VAMP4: variants seen among roughly 807,000 people sequenced by gnomAD.
The protein encoded by VAMP4 is vesicle-associated membrane protein 4.
VAMP4 carries 19 observed loss-of-function variants against 23.5 expected under a neutral mutation model. The ratio of observed to expected loss-of-function variants is 0.81; its 90% CI spans 0.56 to 1.19. The LOEUF is 1.19. VAMP4 is among the 50% of genes most tolerant of loss of function. VAMP4 has a pLI of 0.00. For synonymous variants in VAMP4, 31 were observed against 51.0 expected, an observed-to-expected ratio of 0.61 and a Z score of 1.67; for missense variants, 145 against 168.6, an observed-to-expected ratio of 0.86 and a Z score of 0.78.
At chr1:171,708,082 C>T (rs1490909183) in intron 6 of VAMP4, among the ~76,000 whole-genome samples, 1 of 151,738 alleles carries the variant, frequency 6.6e-6, no homozygotes, top group Admixed American at 6.6e-5. Context: ...GCAGATTGCT[C>T]GAGGCCAGAA....
chr1:171,734,908 G>C (rs914992969), intron 2 of VAMP4, among the ~76,000 whole-genome samples: 7 of 151,990 alleles, frequency 4.6e-5, no homozygotes, highest in African/African-American at 1.7e-4. Context: ...TTATTTATTT[G>C]TATTATTTTT....
chr1:171,732,774 AAAC>A (rs1271571981), intron 2 of VAMP4, among the ~76,000 whole-genome samples: 1 of 152,180 alleles, frequency 6.6e-6, no homozygotes, highest in Non-Finnish European at 1.5e-5. Flanking sequence ...AGTTATTCCT[AAAC>A]AACACACAAC....
In VAMP4 at chr1:171,703,425, G is replaced by GCATATA. The variant is rs1654528114; in HGVS notation, c.*1080_*1081insTATATG. ...TGTGTGTGTGTGTGTGTGTTTGTGT[G>GCATATA]TATATATATATATATATATATATAT... On this transcript the variant is annotated 3_prime_UTR_variant, in exon 8 of 8. Coordinates refer to ENST00000236192, the MANE Select transcript of VAMP4 (RefSeq NM_003762.5). 2 of 80,674 alleles carry GCATATA rather than the reference G, an allele frequency of 2.5e-5. No homozygotes were observed. The highest frequency in any genetic ancestry group is 4.8e-5 in the African/African-American group (1 of 20,922). The allele number at this position is 80,674 out of a possible 1,614,324, so 5.0% of individuals were successfully genotyped here.
intron 2 of VAMP4, 102 bp downstream of exon 2, chr1:171,738,247 C>T: frequency 7.5e-7 from 1 of 1,332,178 alleles, no homozygotes. Context: ...CGATTGCAGG[C>T]ATGAGCAACC....
chr1:171,700,602 T>G lies in VAMP4; in HGVS notation c.*3904A>C, dbSNP rs147301156. On this transcript the variant is annotated 3_prime_UTR_variant, in exon 8 of 8. Transcript: ENST00000236192. Reference sequence around the variant, plus strand: ...AGAGTTTTTCCACACCCAATTACAGTAGAAGAGCACCCCTATATCCAGGCA... The same window carrying G: ...AGAGTTTTTCCACACCCAATTACAGGAGAAGAGCACCCCTATATCCAGGCA... 6.4e-4 allele frequency: 97 copies of G among 152,356 alleles called. No homozygotes were observed. Among genetic ancestry groups the G allele is most frequent in the African/African-American group, 2.2e-3 (91 of 41,572 alleles). 9.4% of individuals were successfully genotyped at this position (152,356 alleles called of 1,614,324 possible).
intron 6 of VAMP4, among the ~76,000 whole-genome samples, chr1:171,706,710 C>T (rs898481405): frequency 2.0e-5 from 3 of 152,132 alleles, no homozygotes; most frequent in East Asian, 1.9e-4. Flanking sequence ...TAAACTGCTA[C>T]CTTCGATGTA....
At chr1:171,708,872 CAAAGAAAAA>C (rs1208720757) in intron 6 of VAMP4, among the ~76,000 whole-genome samples, 1 of 51,060 alleles carries the variant, frequency 2.0e-5, no homozygotes, top group African/African-American at 9.8e-5. Flanking sequence ...AACTCTATCT[CAAAGAAAAA>C]AAAAAAAAAA....
At chr1:171,736,029 G>A (rs1655730678) in intron 2 of VAMP4, among the ~76,000 whole-genome samples, 1 of 152,054 alleles carries the variant, frequency 6.6e-6, no homozygotes, top group South Asian at 2.1e-4. Context: ...TGGGATTACA[G>A]GTGTGCACCA....
chr1:171,734,597 T>A (rs746057762), intron 2 of VAMP4, among the ~76,000 whole-genome samples: 2 of 152,214 alleles, frequency 1.3e-5, no homozygotes, highest in African/African-American at 4.8e-5. Flanking sequence ...GTGAATTGTA[T>A]GGTACGTGAC....
At chr1:171,709,561 C>T (rs993524470) in intron 6 of VAMP4, 104 bp downstream of exon 6, 1 of 1,000,176 alleles carries the variant, frequency 1.0e-6, no homozygotes. Context: ...AGTTATAGGC[C>T]CTGTTCTCAC....
intron 4 of VAMP4, among the ~76,000 whole-genome samples, chr1:171,712,418 A>T (rs1212105466): frequency 6.6e-6 from 1 of 152,148 alleles, no homozygotes; most frequent in Non-Finnish European, 1.5e-5. Flanking sequence ...ATGAAGGCCC[A>T]CTTAGACATA....
chr1:171,723,478 TC>T (rs1655266303), intron 3 of VAMP4, among the ~76,000 whole-genome samples: 1 of 152,188 alleles, frequency 6.6e-6, no homozygotes, highest in Non-Finnish European at 1.5e-5. Flanking sequence ...TCAGGACTGT[TC>T]CTTGCTGAGA....
At chr1:171,735,882 A>C (rs765963860) in intron 2 of VAMP4, among the ~76,000 whole-genome samples, 2 of 152,114 alleles carry the variant, frequency 1.3e-5, no homozygotes, top group Non-Finnish European at 2.9e-5. Context: ...TGCTTTGTAA[A>C]GACATGCTTT....
chr1:171,721,873 ATGACT>A (rs1249275869), intron 3 of VAMP4, among the ~76,000 whole-genome samples: 1 of 152,204 alleles, frequency 6.6e-6, no homozygotes, highest in Admixed American at 6.5e-5. Context: ...CAAGCTACCA[ATGACT>A]TTCTTCACAG....
intron 4 of VAMP4, among the ~76,000 whole-genome samples, chr1:171,714,111 CAAT>C (rs767696889): frequency 9.9e-5 from 15 of 152,156 alleles, no homozygotes; most frequent in Admixed American, 3.9e-4. Flanking sequence ...AACCTTCACT[CAAT>C]GATGTAAAAT....
chr1:171,701,870 TAAC>T lies in VAMP4; in HGVS notation c.*2633_*2635del, dbSNP rs1654464233. 2.0e-5 allele frequency: 3 copies of T among 152,118 alleles called. No individual in the cohort carries two copies. The highest frequency in any genetic ancestry group is 6.5e-5 in the Admixed American group (1 of 15,270). 9.4% of individuals were successfully genotyped at this position (152,118 alleles called of 1,614,324 possible). On this transcript the variant is annotated 3_prime_UTR_variant, in exon 8 of 8. Transcript: ENST00000236192. The stretch of plus-strand genomic sequence containing the variant: ...AGGAGTAACCAATTAATCAGTATTA[TAAC>T]AACAAAATTGCTGCAAGGCAATAGG...
rs1419595584 is a variant in VAMP4 at position 171,709,753 on chromosome 1, CAT to C, written c.266-11_266-10del. On this transcript the variant is annotated splice_polypyrimidine_tract_variant and intron_variant, in intron 5 of 7. Transcript: ENST00000236192. The stretch of plus-strand genomic sequence containing the variant: ...ATTATCCGATAAGCTTTCTATATCA[CAT>C]AGAGGATGGAGAGAAGGATTAAACG... 3 of 1,603,890 alleles carry C rather than the reference CAT, an allele frequency of 1.9e-6. No homozygotes were observed. Among genetic ancestry groups the C allele is most frequent in the Non-Finnish European group, 2.6e-6 (3 of 1,171,216 alleles).
intron 4 of VAMP4, among the ~76,000 whole-genome samples, chr1:171,713,108 G>A (rs1320658688): frequency 6.6e-6 from 1 of 152,154 alleles, no homozygotes; most frequent in Non-Finnish European, 1.5e-5. Flanking sequence ...GGTGCATGGG[G>A]CAGAGTGGCC....
At chr1:171,735,442 T>C (rs774572429) in intron 2 of VAMP4, among the ~76,000 whole-genome samples, 6 of 152,224 alleles carry the variant, frequency 3.9e-5, no homozygotes, top group Admixed American at 1.3e-4. Context: ...GTGATTTTAC[T>C]ACATACATTT....
Sources: gnomAD v4.1 joint callset for allele counts (sites outside exome capture counted in the v4.1 genomes callset) on GRCh38, gnomAD v4.1.1 for gene constraint, MANE v1.5 for transcripts, NCBI Gene and HGNC (gene_info 2026-07-23, HGNC 2026-07-21) for gene names.